The following ANKRD44 variants were observed in gnomAD, a reference collection of about 807,000 sequenced individuals.
The protein encoded by ANKRD44 is ankyrin repeat domain 44, also known as serine/threonine-protein phosphatase 6 regulatory ankyrin repeat subunit B.
In ANKRD44, 35 loss-of-function variants were observed where a neutral mutation model predicts 116.0. That is an observed-to-expected ratio of 0.30 (90% CI 0.23 to 0.40). ANKRD44 has a LOEUF of 0.40. Among genes scored for constraint, ANKRD44 ranks in the 10% least tolerant of loss-of-function variants. The pLI, the probability that ANKRD44 is intolerant of heterozygous loss-of-function variation, is 1.00. For missense variants in ANKRD44, 1,014 were observed against 1,242.6 expected, an observed-to-expected ratio of 0.82 and a Z score of 2.77; for synonymous variants, 435 against 461.8, an observed-to-expected ratio of 0.94 and a Z score of 0.74.
chr2:197,033,457 A>C (rs540493425), intron 16 of ANKRD44, among the ~76,000 whole-genome samples: 18 of 152,308 alleles, frequency 1.2e-4, no homozygotes, highest in African/African-American at 4.3e-4. Context: ...CATCTCAATA[A>C]ATCCTTGAGT....
At chr2:197,285,964 G>A (rs1415105397) in intron 1 of ANKRD44, among the ~76,000 whole-genome samples, 1 of 152,146 alleles carries the variant, frequency 6.6e-6, no homozygotes. Flanking sequence ...CACACAAAAT[G>A]CCTGAGCCCC....
At chr2:197,005,062 ATTAT>A (rs1029830601) in intron 21 of ANKRD44, among the ~76,000 whole-genome samples, 1 of 152,160 alleles carries the variant, frequency 6.6e-6, no homozygotes, top group Non-Finnish European at 1.5e-5. Context: ...TTAATTTATA[ATTAT>A]TTATATTTTC....
chr2:197,259,547 A>G (rs1391243140), intron 1 of ANKRD44, among the ~76,000 whole-genome samples: 2 of 152,130 alleles, frequency 1.3e-5, no homozygotes, highest in Non-Finnish European at 2.9e-5. Context: ...AGCTGATCCA[A>G]CACTCCTTAG....
intron 3 of ANKRD44, among the ~76,000 whole-genome samples, chr2:197,146,750 A>G (rs1033268739): frequency 3.3e-5 from 5 of 151,414 alleles, no homozygotes; most frequent in African/African-American, 1.2e-4. Flanking sequence ...AAATCAAAAT[A>G]TATCCAAATG....
At chr2:197,216,639 T>C (rs927357033) in intron 1 of ANKRD44, among the ~76,000 whole-genome samples, 3 of 152,056 alleles carry the variant, frequency 2.0e-5, no homozygotes, top group Non-Finnish European at 2.9e-5. Context: ...AGATACTGAG[T>C]TCAAAGTGCA....
intron 1 of ANKRD44, among the ~76,000 whole-genome samples, chr2:197,304,844 G>C (rs2084021251): frequency 6.6e-6 from 1 of 152,198 alleles, no homozygotes; most frequent in South Asian, 2.1e-4. Flanking sequence ...GTGTGACATG[G>C]AAGCTGTTTC....
At chr2:197,231,515 A>G (rs2081862303) in intron 1 of ANKRD44, among the ~76,000 whole-genome samples, 1 of 152,124 alleles carries the variant, frequency 6.6e-6, no homozygotes, top group Non-Finnish European at 1.5e-5. Flanking sequence ...TCTGCCCAAC[A>G]TGATATGATG....
chr2:197,278,950 A>G (rs1469198098), intron 1 of ANKRD44, among the ~76,000 whole-genome samples: 1 of 152,226 alleles, frequency 6.6e-6, no homozygotes, highest in Non-Finnish European at 1.5e-5. Context: ...TCTCATTTGC[A>G]TTTTGTGCAG....
chr2:197,248,123 A>AG (rs1313502500), intron 1 of ANKRD44, among the ~76,000 whole-genome samples: 1 of 152,222 alleles, frequency 6.6e-6, no homozygotes, highest in African/African-American at 2.4e-5. Context: ...CTGCTGCTGC[A>AG]GGGACAGAGT....
chr2:197,005,040 A>C lies in ANKRD44; in HGVS notation c.2347+654T>G, dbSNP rs576021815. Among the ~76,000 whole-genome samples, 2 of 152,294 alleles carry C rather than the reference A, an allele frequency of 1.3e-5. 1 individual carries two copies. The highest frequency in any genetic ancestry group is 1.3e-4 in the Admixed American group (2 of 15,304). Reference sequence around the variant, plus strand: ...ATTTGTTCTATAATTCCAGTTTCAAAAAATATACACATTAATTTATAATTA... The same window carrying C: ...ATTTGTTCTATAATTCCAGTTTCAACAAATATACACATTAATTTATAATTA... On this transcript the variant is annotated intron_variant, in intron 21 of 27. Coordinates refer to ENST00000282272, the MANE Select transcript of ANKRD44 (RefSeq NM_001195144.2).
At chr2:197,187,588 C>T (rs534027841) in intron 1 of ANKRD44, among the ~76,000 whole-genome samples, 176 of 152,044 alleles carry the variant, frequency 1.2e-3, no homozygotes, top group South Asian at 7.5e-3. Context: ...GGCCCTGATC[C>T]AATAGGACCG....
At chr2:197,141,333 G>A (rs931317659) in intron 3 of ANKRD44, among the ~76,000 whole-genome samples, 1 of 152,062 alleles carries the variant, frequency 6.6e-6, no homozygotes, top group African/African-American at 2.4e-5. Context: ...CTAGCCATTT[G>A]TAATTCATTT....
chr2:197,301,460 A>G (rs1476035985), intron 1 of ANKRD44: 1 of 152,246 alleles, frequency 6.6e-6, no homozygotes. Flanking sequence ...AGAATTACCT[A>G]CAGTGCTAAC....
intron 1 of ANKRD44, among the ~76,000 whole-genome samples, chr2:197,224,193 T>C (rs2081648395): frequency 6.6e-6 from 1 of 152,194 alleles, no homozygotes; most frequent in Non-Finnish European, 1.5e-5. Flanking sequence ...ATGGCACTGA[T>C]GGAAGTGGCC....
intron 4 of ANKRD44, among the ~76,000 whole-genome samples, chr2:197,128,342 T>A (rs1331529517): frequency 6.6e-6 from 1 of 152,220 alleles, no homozygotes; most frequent in Non-Finnish European, 1.5e-5. Context: ...TTCTGACTGG[T>A]GTGAGATGGT....
intron 1 of ANKRD44, among the ~76,000 whole-genome samples, chr2:197,267,298 AT>A (rs2082767121): frequency 6.6e-6 from 1 of 152,036 alleles, no homozygotes; most frequent in South Asian, 2.1e-4. Flanking sequence ...CTTTAATGTA[AT>A]TTTTCAGCTC....
At chr2:197,083,272 T>A in intron 14 of ANKRD44, 97 bp downstream of exon 14, 1 of 1,458,418 alleles carries the variant, frequency 6.9e-7, no homozygotes, top group South Asian at 1.4e-5. Flanking sequence ...TTAGTCTAAC[T>A]CTTTTTCCAT....
intron 2 of ANKRD44, among the ~76,000 whole-genome samples, chr2:197,159,325 G>A (rs2079900775): frequency 6.6e-6 from 1 of 152,188 alleles, no homozygotes; most frequent in African/African-American, 2.4e-5. Flanking sequence ...TCTGGCCGAA[G>A]ATATCAGATC....
intron 3 of ANKRD44, among the ~76,000 whole-genome samples, chr2:197,143,110 T>C (rs1044978796): frequency 6.0e-5 from 9 of 150,198 alleles, no homozygotes. Context: ...CCCAGAACCC[T>C]ATAATCCTTA....
Sources: gnomAD v4.1 joint callset for allele counts (sites outside exome capture counted in the v4.1 genomes callset) on GRCh38, gnomAD v4.1.1 for gene constraint, MANE v1.5 for transcripts, NCBI Gene and HGNC (gene_info 2026-07-23, HGNC 2026-07-21) for gene names.